NR3C2: variants seen among roughly 807,000 people sequenced by gnomAD.
NR3C2 encodes the protein nuclear receptor subfamily 3 group C member 2.
In NR3C2, 15 loss-of-function variants were observed where a neutral mutation model predicts 86.4. The observed-to-expected ratio is 0.17, with a 90% CI of 0.12 to 0.27. The LOEUF is 0.27. Ranked by LOEUF, NR3C2 falls within the 10% of genes least tolerant of loss-of-function variation. The pLI, the probability that NR3C2 is intolerant of heterozygous loss-of-function variation, is 1.00. For missense variants in NR3C2, 960 were observed against 1,195.6 expected, an observed-to-expected ratio of 0.80 and a Z score of 2.91; for synonymous variants, 458 against 450.5, an observed-to-expected ratio of 1.02 and a Z score of -0.21.
At chr4:148,145,877 A>G (rs1462790977) in intron 6 of NR3C2, among the ~76,000 whole-genome samples, 1 of 152,078 alleles carries the variant, frequency 6.6e-6, no homozygotes, top group Non-Finnish European at 1.5e-5. Flanking sequence ...TTCTCAGTAG[A>G]AGGAAAAGGG....
At chr4:148,408,597 T>A (rs1748535415) in intron 2 of NR3C2, among the ~76,000 whole-genome samples, 1 of 152,168 alleles carries the variant, frequency 6.6e-6, no homozygotes, top group Admixed American at 6.5e-5. Context: ...GATACTTTCT[T>A]TTACAAAAAA....
chr4:148,102,593 C>T (rs968725217), intron 8 of NR3C2, among the ~76,000 whole-genome samples: 7 of 152,148 alleles, frequency 4.6e-5, no homozygotes, highest in Admixed American at 1.3e-4. Context: ...CATCATTCCA[C>T]CACCTGAACC....
intron 6 of NR3C2, among the ~76,000 whole-genome samples, chr4:148,135,626 T>C (rs1026526910): frequency 1.3e-5 from 2 of 152,116 alleles, no homozygotes; most frequent in Non-Finnish European, 2.9e-5. Flanking sequence ...AGAAAAGTCA[T>C]TCCTCTGAGT....
intron 2 of NR3C2, among the ~76,000 whole-genome samples, chr4:148,409,453 C>T (rs1748584103): frequency 6.6e-6 from 1 of 152,130 alleles, no homozygotes; most frequent in Non-Finnish European, 1.5e-5. Context: ...CCCAAGTCTT[C>T]ATCCACTAGA....
chr4:148,231,698 A>C (rs1007692335), intron 3 of NR3C2, among the ~76,000 whole-genome samples: 4 of 152,132 alleles, frequency 2.6e-5, no homozygotes, highest in African/African-American at 9.7e-5. Flanking sequence ...GTTTGCTGCA[A>C]AGATTTACTT....
chr4:148,297,277 T>C (rs1480631318), intron 2 of NR3C2, among the ~76,000 whole-genome samples: 1 of 152,238 alleles, frequency 6.6e-6, no homozygotes, highest in Admixed American at 6.5e-5. Context: ...GTTGCCTAGT[T>C]ATTTTTCAAA....
chr4:148,382,440 T>C (rs2126451299), intron 2 of NR3C2, among the ~76,000 whole-genome samples: 1 of 152,294 alleles, frequency 6.6e-6, no homozygotes. Flanking sequence ...AAGACCCTAA[T>C]GCTATTGTAC....
chr4:148,430,150 C>T (rs902403061), intron 2 of NR3C2, among the ~76,000 whole-genome samples: 10 of 152,006 alleles, frequency 6.6e-5, no homozygotes, highest in Non-Finnish European at 1.3e-4. Flanking sequence ...GTAATATCTC[C>T]ATAGTAAGAA....
chr4:148,427,053 C>A (rs1749575337), intron 2 of NR3C2, among the ~76,000 whole-genome samples: 2 of 151,990 alleles, frequency 1.3e-5, no homozygotes, highest in Non-Finnish European at 2.9e-5. Flanking sequence ...CTCCCACGTT[C>A]AAGCGATTCT....
chr4:148,227,206 C>T (rs1033525999), intron 3 of NR3C2, among the ~76,000 whole-genome samples: 26 of 152,134 alleles, frequency 1.7e-4, no homozygotes, highest in Non-Finnish European at 2.8e-4. Context: ...GTTTTCATGA[C>T]CTTGACACTT....
At chr4:148,233,605 C>T (rs1459878690) in intron 3 of NR3C2, among the ~76,000 whole-genome samples, 1 of 152,022 alleles carries the variant, frequency 6.6e-6, no homozygotes, top group Non-Finnish European at 1.5e-5. Flanking sequence ...AGCAATCCTC[C>T]CACCTCAGCC....
chr4:148,093,048 G>A (rs1578873038), intron 8 of NR3C2, among the ~76,000 whole-genome samples: 2 of 152,326 alleles, frequency 1.3e-5, no homozygotes, highest in Non-Finnish European at 2.9e-5. Context: ...ATCAGAGGAA[G>A]ATTTATGCAT....
rs761049904 is a variant in NR3C2, at chr4:148,152,599, G to C, written c.2380C>G (p.Pro794Ala). The C allele has an allele frequency of 6.2e-7, 1 of 1,613,762 alleles. No homozygotes were observed. Among genetic ancestry groups the C allele is most frequent in the African/African-American group, 1.3e-5 (1 of 74,912 alleles). ...ATTAGGGTAATTTGGTCCTCAAGAGGCAAGTTTTTAAATCCTGAAGAACAA... is the reference window on the plus strand; with the variant it reads ...ATTAGGGTAATTTGGTCCTCAAGAGCCAAGTTTTTAAATCCTGAAGAACAA... Reference protein sequence around the residue: ...AKVLPGFKNLPLEDQITLIQY... With the variant: ...AKVLPGFKNLALEDQITLIQY... The change falls in exon 6 of 9, where the codon CCT becomes GCT. Residue 794 changes from proline (P) to alanine (A), a missense_variant. Pro to Ala is a conservative substitution (Grantham distance 27, BLOSUM62 -1). Around this residue, in one of 4 missense-constraint regions of NR3C2, gnomAD observed 151 missense variants for 296.3 expected, o/e 0.51. Coordinates refer to ENST00000358102, the MANE Select transcript of NR3C2 (RefSeq NM_000901.5).
chr4:148,426,566 T>C (rs1749541517), intron 2 of NR3C2, among the ~76,000 whole-genome samples: 1 of 152,214 alleles, frequency 6.6e-6, no homozygotes, highest in Non-Finnish European at 1.5e-5. Flanking sequence ...CCCTTTGGCA[T>C]CTATGACTTA....
intron 3 of NR3C2, among the ~76,000 whole-genome samples, chr4:148,254,920 T>C (rs927755963): frequency 1.9e-4 from 29 of 152,258 alleles, no homozygotes; most frequent in African/African-American, 6.7e-4. Flanking sequence ...TACATTAAAT[T>C]ATTCCCCCTA....
At chr4:148,287,466 A>G (rs1741582718) in intron 2 of NR3C2, among the ~76,000 whole-genome samples, 1 of 152,200 alleles carries the variant, frequency 6.6e-6, no homozygotes, top group Non-Finnish European at 1.5e-5. Flanking sequence ...CTCGATGTTT[A>G]AAACACAATG....
chr4:148,273,607 G>T (rs1740804707), intron 2 of NR3C2, among the ~76,000 whole-genome samples: 1 of 152,042 alleles, frequency 6.6e-6, no homozygotes, highest in African/African-American at 2.4e-5. Flanking sequence ...CAGCCCCAGG[G>T]GTGCTGGCTG....
At chr4:148,271,559 C>T (rs1417848357) in intron 2 of NR3C2, among the ~76,000 whole-genome samples, 1 of 152,114 alleles carries the variant, frequency 6.6e-6, no homozygotes, top group Non-Finnish European at 1.5e-5. Flanking sequence ...TTTCCTTAGC[C>T]ACCATCTTTT....
At chr4:148,443,923 G>A (rs978650159), upstream of NR3C2, 10 of 890,624 alleles carry the variant, frequency 1.1e-5, no homozygotes, top group Non-Finnish European at 1.3e-5. Context: ...CTGGAGATAG[G>A]GGCGACAGCG....
Sources: gnomAD v4.1 joint callset for allele counts (sites outside exome capture counted in the v4.1 genomes callset) on GRCh38, gnomAD v4.1.1 for gene constraint, gnomAD v4.1.1 regional missense constraint, MANE v1.5 for transcripts, NCBI Gene and HGNC (gene_info 2026-07-23, HGNC 2026-07-21) for gene names.